CROT: variants seen among roughly 807,000 people sequenced by gnomAD.
CROT encodes the protein peroxisomal carnitine O-octanoyltransferase.
A neutral mutation model predicts 89.2 loss-of-function variants in CROT; 84 were observed. The observed-to-expected ratio is 0.94, with a 90% CI of 0.79 to 1.13. The LOEUF (loss-of-function observed/expected upper bound fraction) is 1.13. CROT is among the 50% of genes most tolerant of loss of function. The pLI is 0.00. For missense variants in CROT, 711 were observed against 727.8 expected (o/e 0.98, Z 0.27); for synonymous variants, 212 against 239.5 (o/e 0.89, Z 1.06).
At chr7:87,358,289 A>G (rs950195444) in intron 3 of CROT, among the ~76,000 whole-genome samples, 2 of 151,656 alleles carry the variant, frequency 1.3e-5, no homozygotes, top group African/African-American at 4.8e-5. Context: ...CATCCTGGCT[A>G]ACACAGTGAA....
At chr7:87,372,245 T>C (rs376977082) in intron 7 of CROT, among the ~76,000 whole-genome samples, 1 of 152,338 alleles carries the variant, frequency 6.6e-6, no homozygotes, top group East Asian at 1.9e-4. Context: ...ATTAATCTTT[T>C]ATACATTATG....
chr7:87,350,994 G>T (rs960124710), intron 3 of CROT, among the ~76,000 whole-genome samples: 1 of 151,454 alleles, frequency 6.6e-6, no homozygotes, highest in African/African-American at 2.4e-5. Context: ...ATAGTGGCTG[G>T]TGTCTTTTTG....
chr7:87,367,690 G>C (rs910786483), intron 6 of CROT, among the ~76,000 whole-genome samples: 28 of 152,132 alleles, frequency 1.8e-4, no homozygotes, highest in African/African-American at 6.5e-4. Flanking sequence ...CTCTTGCTTA[G>C]TCAAGAAACT....
At chr7:87,351,288 A>C (rs1805859179) in intron 3 of CROT, among the ~76,000 whole-genome samples, 1 of 146,434 alleles carries the variant, frequency 6.8e-6, no homozygotes, top group Non-Finnish European at 1.5e-5. Context: ...CAGCCTGGAC[A>C]ACAGAGCGAG....
At chr7:87,357,847 A>G (rs1029702143) in intron 3 of CROT, among the ~76,000 whole-genome samples, 1 of 152,332 alleles carries the variant, frequency 6.6e-6, no homozygotes, top group South Asian at 2.1e-4. Context: ...ATCCAAACAT[A>G]ACTGTAATTA....
intron 17 of CROT, among the ~76,000 whole-genome samples, chr7:87,395,324 C>CTCCCAGAT (rs1439777527): frequency 1.3e-5 from 2 of 152,174 alleles, no homozygotes; most frequent in Non-Finnish European, 2.9e-5. Context: ...AGATGGTGCC[C>CTCCCAGAT]TCCCAGATTA....
chr7:87,359,847 C>T lies in CROT; in HGVS notation c.240+517C>T, dbSNP rs57676881. 1.2e-3 allele frequency: 1,190 copies of T among 985,138 alleles called. 8 individuals carry two copies. In the African/African-American group the frequency reaches 0.02, roughly 16 times the overall value. The allele number at this position is 985,138 out of a possible 1,614,324, so 61.0% of individuals were successfully genotyped here. A position where few individuals can be genotyped will look rare whatever the true frequency, so the allele number is the denominator to read the frequency against. On this transcript the variant is annotated intron_variant, in intron 4 of 17. Transcript: ENST00000331536. ...ATTATTGAAGGTCTCAATAATTTTC[C>T]ACAAAATTCTTTAACTTCTTCAGCT...
At chr7:87,376,792 TA>T (rs1203851728) in intron 9 of CROT, among the ~76,000 whole-genome samples, 1 of 152,106 alleles carries the variant, frequency 6.6e-6, no homozygotes, top group Admixed American at 6.5e-5. Context: ...AACACATATA[TA>T]AAATAGGAGT....
intron 17 of CROT, 150 bp from the exon 18 acceptor site, chr7:87,398,374 C>T: frequency 1.1e-6 from 1 of 913,084 alleles, no homozygotes; most frequent in South Asian, 1.4e-5. Context: ...TATGGCTTTA[C>T]CTTCAATTGT....
chr7:87,383,316 G>A (rs1280259827), intron 13 of CROT, among the ~76,000 whole-genome samples: 1 of 151,712 alleles, frequency 6.6e-6, no homozygotes, highest in Non-Finnish European at 1.5e-5. Context: ...CTACTTCCAC[G>A]AGATCAATTT....
intron 7 of CROT, 43 bp downstream of exon 7, chr7:87,369,527 T>A (rs1391767877): frequency 1.6e-6 from 2 of 1,233,516 alleles, no homozygotes; most frequent in African/African-American, 3.0e-5. Context: ...TCTTATGGTG[T>A]TGCTTGAATT....
At chr7:87,371,713 G>C (rs1427082729) in intron 7 of CROT, among the ~76,000 whole-genome samples, 3 of 152,056 alleles carry the variant, frequency 2.0e-5, no homozygotes, top group African/African-American at 7.2e-5. Flanking sequence ...GGTGAGTGGG[G>C]GACACAGTGG....
At chr7:87,389,510 A>G (rs961528033) in intron 13 of CROT, among the ~76,000 whole-genome samples, 1 of 152,116 alleles carries the variant, frequency 6.6e-6, no homozygotes, top group African/African-American at 2.4e-5. Flanking sequence ...ATTCTCAACA[A>G]ACTAACACAG....
At chr7:87,371,879 A>G (rs1806646193) in intron 7 of CROT, among the ~76,000 whole-genome samples, 2 of 151,882 alleles carry the variant, frequency 1.3e-5, no homozygotes, top group African/African-American at 2.4e-5. Flanking sequence ...GAGTGCTCCC[A>G]GCTACTTGGA....
chr7:87,366,354 T>C lies in CROT; in HGVS notation c.548-3022T>C, dbSNP rs568373704. Among the ~76,000 whole-genome samples the C allele has an allele frequency of 2.0e-5, 3 of 151,892 alleles. No individual in the cohort carries two copies. In the East Asian group the frequency reaches 5.8e-4, roughly 29 times the overall value. ...TCGTCCTTAACAATTTTAGCCTTTTTGGGGAAAAAAAAATGCCTTCAGGTT... is the reference window on the plus strand; with the variant it reads ...TCGTCCTTAACAATTTTAGCCTTTTCGGGGAAAAAAAAATGCCTTCAGGTT... On this transcript the variant is annotated intron_variant, in intron 6 of 17. Transcript: ENST00000331536.
rs1236838923 is a variant in CROT, at chr7:87,345,692, A to T, written c.-188A>T. ...CCAATTCCCGCACCTTTGAGGCCCA[A>T]GGGGGAGCGAGCCGGTGCTGCTGCA... On this transcript the variant is annotated 5_prime_UTR_variant, in exon 1 of 18. The change creates a new upstream start codon in the 5' untranslated region. Transcript: ENST00000331536. 4 of 373,326 alleles carry T rather than the reference A, an allele frequency of 1.1e-5. No homozygotes were observed. The highest frequency in any genetic ancestry group is 2.9e-4 in the South Asian group (2 of 6,810). 23.1% of individuals were successfully genotyped at this position (373,326 alleles called of 1,614,324 possible). A position where few individuals can be genotyped will look rare whatever the true frequency, so the allele number is the denominator to read the frequency against.
At chr7:87,392,862 T>C in intron 16 of CROT, 39 bp downstream of exon 16, 1 of 1,609,318 alleles carries the variant, frequency 6.2e-7, no homozygotes, top group African/African-American at 1.3e-5. Context: ...ATCAATTGGC[T>C]TCCTCTTTTT....
chr7:87,363,797 A>G (rs1249584135), intron 6 of CROT, among the ~76,000 whole-genome samples: 1 of 152,216 alleles, frequency 6.6e-6, no homozygotes, highest in Admixed American at 6.5e-5. Flanking sequence ...AGGGAGGTCA[A>G]TTAGAAAGTT....
chr7:87,369,407 A>G lies in CROT; in HGVS notation c.579A>G (p.Val193=). 2 of 1,612,958 alleles carry G rather than the reference A, an allele frequency of 1.2e-6. No individual in the cohort carries two copies. Among genetic ancestry groups the G allele is most frequent in the African/African-American group, 2.7e-5 (2 of 74,988 alleles). The change falls in exon 7 of 18, where the codon GTA becomes GTG. Residue 193 remains valine, a synonymous_variant. Coordinates refer to ENST00000331536, the MANE Select transcript of CROT (RefSeq NM_021151.4). ...AAGGGCGTTCCCCAAACCACATTGT[A>G]GTGCTGTGTCGAGGCCGAGCTTTTG... is the stretch of plus-strand genomic sequence containing the variant. ...ESEGRSPNHI[V]VLCRGRAFVF...
Sources: gnomAD v4.1 joint callset for allele counts (sites outside exome capture counted in the v4.1 genomes callset) on GRCh38, gnomAD v4.1.1 for gene constraint, MANE v1.5 for transcripts, NCBI Gene and HGNC (gene_info 2026-07-23, HGNC 2026-07-21) for gene names.